PTPRN2: variants seen among roughly 807,000 people sequenced by gnomAD.
PTPRN2 encodes the protein receptor-type tyrosine-protein phosphatase N2.
Under a neutral mutation model 118.8 loss-of-function variants are expected in PTPRN2, and 74 were observed. The observed-to-expected ratio is 0.62, with a 90% CI of 0.52 to 0.76. The LOEUF (loss-of-function observed/expected upper bound fraction) is 0.76. Among genes scored for constraint, PTPRN2 ranks in the 30% least tolerant of loss-of-function variants. PTPRN2 has a pLI of 0.00. For synonymous variants in PTPRN2, 641 were observed against 608.0 expected (o/e 1.05, Z -0.80); for missense variants, 1,481 against 1,394.4 (o/e 1.06, Z -0.99).
At chr7:157,613,382 C>T (rs1332634919) in intron 15 of PTPRN2, among the ~76,000 whole-genome samples, 3 of 152,344 alleles carry the variant, frequency 2.0e-5, no homozygotes. Context: ...TGCGGGGAGA[C>T]ACGGGCGGAG....
At chr7:158,236,489 G>A (rs1829556544) in intron 3 of PTPRN2, among the ~76,000 whole-genome samples, 1 of 152,186 alleles carries the variant, frequency 6.6e-6, no homozygotes, top group Admixed American at 6.5e-5. Flanking sequence ...AAAGCTGCCC[G>A]AAGGTGGGGT....
intron 11 of PTPRN2, among the ~76,000 whole-genome samples, chr7:157,939,347 TCCTGCAGGACAGCACACATGTGG>T: frequency 6.6e-6 from 1 of 152,340 alleles, no homozygotes; most frequent in Non-Finnish European, 1.5e-5. Flanking sequence ...CTGGTGGCTG[TCCTGCAGGACAGCACACATGTGG>T]GCCATTCTGT....
At chr7:158,138,563 A>G (rs755715821) in intron 6 of PTPRN2, 48 bp from the exon 7 acceptor site, 1 of 1,562,956 alleles carries the variant, frequency 6.4e-7, no homozygotes, top group Non-Finnish European at 8.7e-7. Context: ...GGACGAATGC[A>G]AAGGTGAGGG....
intron 11 of PTPRN2, among the ~76,000 whole-genome samples, chr7:157,984,976 C>A (rs1803662593): frequency 6.6e-6 from 1 of 152,194 alleles, no homozygotes; most frequent in Non-Finnish European, 1.5e-5. Flanking sequence ...ACTCCCCTGG[C>A]TGAGCGCCCA....
rs567400361 is a variant in PTPRN2, at chr7:158,191,743, C to T, written c.549+584G>A. ...GCCCTGCATAAACACTCCTGGGGTT[C>T]GCCTCCGAGCCTGTCTGGGGTCTGT... On this transcript the variant is annotated intron_variant, in intron 5 of 22. Coordinates refer to ENST00000389418, the MANE Select transcript of PTPRN2 (RefSeq NM_002847.5). Among the ~76,000 whole-genome samples, 10 of 152,252 alleles carry T rather than the reference C, an allele frequency of 6.6e-5. No homozygotes were observed. The East Asian group carries it at 9.7e-4, about 15-fold the overall frequency.
At chr7:158,004,377 T>A (rs1431327491) in intron 11 of PTPRN2, among the ~76,000 whole-genome samples, 1 of 152,090 alleles carries the variant, frequency 6.6e-6, no homozygotes, top group Non-Finnish European at 1.5e-5. Context: ...GGGTGGTGGT[T>A]CTAGTTTTAG....
intron 1 of PTPRN2, among the ~76,000 whole-genome samples, chr7:158,584,908 T>A (rs946834744): frequency 6.2e-4 from 95 of 152,338 alleles, no homozygotes; most frequent in African/African-American, 2.2e-3. Context: ...CAACCTCTAG[T>A]TCTAACCTAC....
At chr7:157,770,700 A>ATCCTC (rs1802748243) in intron 12 of PTPRN2, among the ~76,000 whole-genome samples, 1 of 152,244 alleles carries the variant, frequency 6.6e-6, no homozygotes, top group African/African-American at 2.4e-5. Flanking sequence ...CAGCTCGGGT[A>ATCCTC]GACGGACATC....
chr7:158,146,395 A>C (rs952622711), intron 6 of PTPRN2, among the ~76,000 whole-genome samples: 4 of 152,148 alleles, frequency 2.6e-5, no homozygotes, highest in Admixed American at 2.6e-4. Context: ...TTGGGCATCT[A>C]TTGTGATCAA....
rs143860296 is a variant in PTPRN2, at chr7:157,734,573, A to G, written c.1789-51636T>C. 5.3e-3 allele frequency among the ~76,000 whole-genome samples: 813 copies of G among 152,356 alleles called. 5 individuals are homozygous for G. The highest frequency in any genetic ancestry group is 0.018 in the African/African-American group (765 of 41,582). On this transcript the variant is annotated intron_variant, in intron 12 of 22. Coordinates refer to ENST00000389418, the MANE Select transcript of PTPRN2 (RefSeq NM_002847.5). ...CAACATCTTCCAGCCCCAGAGATGT[A>G]CAAATATTTTAGCAACATCCCAGTG...
intron 2 of PTPRN2, among the ~76,000 whole-genome samples, chr7:158,341,352 G>T (rs1207894747): frequency 3.4e-5 from 5 of 146,098 alleles, no homozygotes; most frequent in South Asian, 2.2e-4. Context: ...CTCACCATAA[G>T]AGGTAACACA....
At chr7:158,089,776 A>AAAGAGGGGG (rs1813903361) in intron 10 of PTPRN2, among the ~76,000 whole-genome samples, 1 of 64,148 alleles carries the variant, frequency 1.6e-5, no homozygotes, top group Non-Finnish European at 3.7e-5. Context: ...GAAAAGGGGA[A>AAAGAGGGGG]TGTTCACACA....
intron 5 of PTPRN2, among the ~76,000 whole-genome samples, chr7:158,168,148 C>T (rs537120548): frequency 1.4e-4 from 21 of 152,384 alleles, no homozygotes; most frequent in African/African-American, 5.0e-4. Context: ...TCTTTGCCAA[C>T]ACTTGCTACT....
intron 12 of PTPRN2, among the ~76,000 whole-genome samples, chr7:157,726,470 C>T (rs1381268830): frequency 3.3e-5 from 5 of 152,252 alleles, no homozygotes; most frequent in Admixed American, 6.5e-5. Context: ...CCCACCCGAG[C>T]GTGCGCTGAC....
At chr7:158,406,270 C>T (rs1232655098) in intron 2 of PTPRN2, among the ~76,000 whole-genome samples, 1 of 123,172 alleles carries the variant, frequency 8.1e-6, no homozygotes, top group Non-Finnish European at 1.8e-5. Context: ...AGACATTTGG[C>T]TGCACACTGA....
chr7:157,786,163 C>A (rs1804025072), intron 12 of PTPRN2, among the ~76,000 whole-genome samples: 1 of 152,228 alleles, frequency 6.6e-6, no homozygotes, highest in Non-Finnish European at 1.5e-5. Context: ...GCGTGGGGTT[C>A]TCCCTGCTCA....
rs1419392687 is a variant in PTPRN2 at position 157,764,210 on chromosome 7, C to A, written c.1789-81273G>T. 6.6e-6 allele frequency among the ~76,000 whole-genome samples: 1 copy of A among 152,190 alleles called. No homozygotes were observed. The highest frequency in any genetic ancestry group is 1.9e-4 in the East Asian group (1 of 5,194). On this transcript the variant is annotated intron_variant, in intron 12 of 22. Transcript: ENST00000389418. The surrounding 1 kb of genome is among the most constrained non-coding windows in gnomAD (Gnocchi z 4.5). ...ACTAACCACAGAATCAGCCCAGGACCCAGCAGTTCCACCAGGGGCATATGC... is the reference window on the plus strand; with the variant it reads ...ACTAACCACAGAATCAGCCCAGGACACAGCAGTTCCACCAGGGGCATATGC...
intron 11 of PTPRN2, among the ~76,000 whole-genome samples, chr7:158,000,267 C>A (rs1336172555): frequency 8.5e-5 from 13 of 152,136 alleles, no homozygotes; most frequent in Admixed American, 8.5e-4. Flanking sequence ...AGGTTGCATT[C>A]CCCAGTCAGG....
At chr7:158,442,729 T>C (rs1817436677) in intron 2 of PTPRN2, among the ~76,000 whole-genome samples, 1 of 152,238 alleles carries the variant, frequency 6.6e-6, no homozygotes, top group Admixed American at 6.5e-5. Context: ...CATGCAGCGT[T>C]CCGCCTGCTT....
Sources: allele counts gnomAD v4.1 joint callset (sites outside exome capture counted in the v4.1 genomes callset), GRCh38; gene constraint gnomAD v4.1.1; non-coding constraint Gnocchi (gnomAD v3.1); transcripts MANE v1.5; gene names NCBI Gene and HGNC (gene_info 2026-07-23, HGNC 2026-07-21).